The following PLPPR4 variants were observed in gnomAD, a reference collection of about 807,000 sequenced individuals.
The protein encoded by PLPPR4 is phospholipid phosphatase-related protein type 4.
In PLPPR4, 24 loss-of-function variants were observed where a neutral mutation model predicts 56.6. The ratio of observed to expected loss-of-function variants is 0.42; its 90% CI spans 0.31 to 0.60. PLPPR4 has a LOEUF of 0.60. Among genes scored for constraint, PLPPR4 ranks in the 20% least tolerant of loss-of-function variants. PLPPR4 has a pLI of 0.13. For missense variants in PLPPR4, 654 were observed against 885.8 expected (o/e 0.74, Z 3.32); for synonymous variants, 326 against 328.1 (o/e 0.99, Z 0.07).
chr1:99,264,368 A>T, upstream of PLPPR4: 2 of 1,200,906 alleles, frequency 1.7e-6, no homozygotes, highest in Non-Finnish European at 2.3e-6. Flanking sequence ...CAGGAGCCAG[A>T]CTAGGGGAGG....
intron 4 of PLPPR4, among the ~76,000 whole-genome samples, chr1:99,300,465 G>A (rs1659858187): frequency 6.6e-6 from 1 of 151,982 alleles, no homozygotes; most frequent in Admixed American, 6.6e-5. Context: ...CCAATGCCAT[G>A]AGAAAATAAC....
chr1:99,296,651 TA>T lies in PLPPR4; in HGVS notation c.265-82del, dbSNP rs1185339986. 14 of 1,113,946 alleles carry T rather than the reference TA, an allele frequency of 1.3e-5. No individual in the cohort carries two copies. The African/African-American group carries it at 2.1e-4, about 16-fold the overall frequency. 69.0% of individuals were successfully genotyped at this position (1,113,946 alleles called of 1,614,324 possible). A position where few individuals can be genotyped will look rare whatever the true frequency, so the allele number is the denominator to read the frequency against. ...TCTTTACTTTATTGAATTGATATGT[TA>T]AAAAGTGATATATAATTCCTTTATA... On this transcript the variant is annotated intron_variant, in intron 2 of 6. Coordinates refer to ENST00000370185, the MANE Select transcript of PLPPR4 (RefSeq NM_014839.5).
chr1:99,290,919 CA>C (rs1659600376), intron 2 of PLPPR4, among the ~76,000 whole-genome samples: 1 of 151,934 alleles, frequency 6.6e-6, no homozygotes, highest in Non-Finnish European at 1.5e-5. Flanking sequence ...AAAGCAATTG[CA>C]ACAAAAGCAA....
intron 1 of PLPPR4, among the ~76,000 whole-genome samples, chr1:99,267,702 G>A (rs115321677): frequency 0.011 from 1,725 of 152,226 alleles, 43 homozygotes; most frequent in African/African-American, 0.04. Flanking sequence ...ATCAAGTCCT[G>A]ACAAGGTCTA....
intron 1 of PLPPR4, among the ~76,000 whole-genome samples, chr1:99,287,293 G>T (rs1659490184): frequency 6.6e-6 from 1 of 152,040 alleles, no homozygotes; most frequent in Non-Finnish European, 1.5e-5. Context: ...GTCTATCATT[G>T]ATAGGCATTT....
At chr1:99,297,925 G>A (rs2100806494) in intron 3 of PLPPR4, among the ~76,000 whole-genome samples, 1 of 152,240 alleles carries the variant, frequency 6.6e-6, no homozygotes, top group East Asian at 1.9e-4. Context: ...AGAGAACAAT[G>A]TTCCAGAGCC....
chr1:99,266,101 A>T (rs1658890107), intron 1 of PLPPR4, among the ~76,000 whole-genome samples: 1 of 152,216 alleles, frequency 6.6e-6, no homozygotes, highest in South Asian at 2.1e-4. Flanking sequence ...TCTCAAGAAA[A>T]ATGTAGGTAG....
In PLPPR4 at chr1:99,287,830, A is replaced by T; in HGVS notation, c.79-135A>T. On this transcript the variant is annotated intron_variant, in intron 1 of 6. Coordinates refer to ENST00000370185, the MANE Select transcript of PLPPR4 (RefSeq NM_014839.5). ...TGGAATCCATGTTGAAGGTAGAAGT[A>T]ATAGAACTTATGAATGATTTTTAAC... 6.0e-6 allele frequency: 4 copies of T among 665,228 alleles called. No homozygotes were observed. The South Asian group carries it at 8.1e-5, about 13-fold the overall frequency. The allele number at this position is 665,228 out of a possible 1,614,324, so 41.2% of individuals were successfully genotyped here.
intron 6 of PLPPR4, among the ~76,000 whole-genome samples, chr1:99,303,243 G>A (rs1659930885): frequency 6.6e-6 from 1 of 152,064 alleles, no homozygotes; most frequent in Non-Finnish European, 1.5e-5. Context: ...TGGAAGGTGG[G>A]GGAACAGGAG....
chr1:99,277,292 A>G (rs1004767934), intron 1 of PLPPR4, among the ~76,000 whole-genome samples: 10 of 152,114 alleles, frequency 6.6e-5, no homozygotes, highest in African/African-American at 1.7e-4. Context: ...ATTTTTGTCC[A>G]TTGAAAGCTC....
intron 6 of PLPPR4, among the ~76,000 whole-genome samples, chr1:99,302,504 T>C (rs1292123107): frequency 1.9e-5 from 2 of 102,720 alleles, no homozygotes; most frequent in Non-Finnish European, 3.8e-5. Flanking sequence ...AGATGTATTC[T>C]TTTTTTTATT....
Position 99,306,448 on chromosome 1 carries a change from T to G in PLPPR4, c.1586T>G (p.Met529Arg), listed in dbSNP as rs755732676. The change falls in exon 7 of 7, where the codon ATG (methionine) becomes AGG (arginine). Residue 529 changes from methionine (M) to arginine (R), a missense_variant. Physicochemically the swap from Met to Arg is moderately conservative, Grantham distance 91. Around this residue, in one of 2 missense-constraint regions of PLPPR4, gnomAD observed 468 missense variants for 554.3 expected, o/e 0.84. Coordinates refer to ENST00000370185, the MANE Select transcript of PLPPR4 (RefSeq NM_014839.5). This position sits in a 1 kb window ranked among gnomAD's most constrained non-coding sequence, Gnocchi z 4.0. ...CNRSNSQPRI[M>R]QVIAMSKQQG... ...AGAAGCAACAGCCAGCCCCGAATCA[T>G]GCAAGTCATAGCCATGTCCAAGCAG... The G allele has an allele frequency of 1.1e-5, 18 of 1,613,984 alleles. No homozygotes were observed. Among genetic ancestry groups the G allele is most frequent in the Non-Finnish European group, 1.5e-5 (18 of 1,180,022 alleles).
In PLPPR4 at chr1:99,269,100, G is replaced by T. The variant is rs138910784; in HGVS notation, c.78+4429G>T. Reference sequence around the variant, plus strand: ...TAGCCCCCCAACCCCCACAGGCCCTGGTGTGTGATGTTCCCCTCCCTGTGT... The same window carrying T: ...TAGCCCCCCAACCCCCACAGGCCCTTGTGTGTGATGTTCCCCTCCCTGTGT... On this transcript the variant is annotated intron_variant, in intron 1 of 6. Transcript: ENST00000370185. 9.6e-3 allele frequency among the ~76,000 whole-genome samples: 1,465 copies of T among 151,994 alleles called. 27 individuals carry two copies. The highest frequency in any genetic ancestry group is 0.034 in the African/African-American group (1,401 of 41,452).
At position 99,303,983 on chromosome 1, in the gene PLPPR4, C is replaced by T. The variant is rs370636361; in HGVS notation, c.823-1702C>T. Among the ~76,000 whole-genome samples the T allele has an allele frequency of 2.0e-5, 3 of 152,144 alleles. 1 individual carries two copies. The highest frequency in any genetic ancestry group is 3.9e-4 in the East Asian group (2 of 5,188). On this transcript the variant is annotated intron_variant, in intron 6 of 6. Coordinates refer to ENST00000370185, the MANE Select transcript of PLPPR4 (RefSeq NM_014839.5). ...TGGAATTAGCATGGGATTTATAGTG[C>T]AAAGGATTTGGTTATGAATCCAAAT...
intron 1 of PLPPR4, among the ~76,000 whole-genome samples, chr1:99,287,252 G>GTA (rs58463553): frequency 1.8e-4 from 27 of 151,482 alleles, no homozygotes; most frequent in South Asian, 1.5e-3. Context: ...ATTCCATGGT[G>GTA]TATATATATA....
At chr1:99,271,594 T>C (rs539347686) in intron 1 of PLPPR4, among the ~76,000 whole-genome samples, 7 of 152,274 alleles carry the variant, frequency 4.6e-5, no homozygotes, top group Non-Finnish European at 7.3e-5. Context: ...GTATTAGTGG[T>C]ATTTCCTACT....
chr1:99,296,787 A>ATGGGGTCGG lies in PLPPR4; in HGVS notation c.315_323dup (p.Gly106_Gly108dup), dbSNP rs1359231762. 6.2e-7 allele frequency: 1 copy of ATGGGGTCGG among 1,607,152 alleles called. No individual in the cohort carries two copies. Among genetic ancestry groups the ATGGGGTCGG allele is most frequent in the South Asian group, 1.1e-5 (1 of 90,084 alleles). The stretch of plus-strand genomic sequence containing the variant: ...TACTGTTGCCTCTCCAAAAGAAGAA[A>ATGGGGTCGG]TGGGGTCGGACTAGAGCCCAACATT... On this transcript the variant is annotated inframe_insertion, in exon 3 of 7. Coordinates refer to ENST00000370185, the MANE Select transcript of PLPPR4 (RefSeq NM_014839.5).
chr1:99,280,071 T>C (rs1368296171), intron 1 of PLPPR4, among the ~76,000 whole-genome samples: 2 of 151,936 alleles, frequency 1.3e-5, no homozygotes, highest in East Asian at 3.9e-4. Flanking sequence ...CAGAGTGGCG[T>C]TTTTCAAACT....
intron 1 of PLPPR4, among the ~76,000 whole-genome samples, chr1:99,265,376 T>C (rs775342950): frequency 5.9e-5 from 9 of 152,214 alleles, no homozygotes; most frequent in African/African-American, 1.7e-4. Context: ...AGCAGTATTA[T>C]AGATAAACAA....
Sources: allele counts gnomAD v4.1 joint callset (sites outside exome capture counted in the v4.1 genomes callset), GRCh38; gene constraint gnomAD v4.1.1; regional missense constraint gnomAD v4.1.1; non-coding constraint Gnocchi (gnomAD v3.1); transcripts MANE v1.5; gene names NCBI Gene and HGNC (gene_info 2026-07-23, HGNC 2026-07-21).